RAB27B: variants seen among roughly 807,000 people sequenced by gnomAD.
RAB27B encodes RAB27B, member RAS oncogene family, also known as ras-related protein Rab-27B.
Under a neutral mutation model 24.6 loss-of-function variants are expected in RAB27B, and 15 were observed. The observed-to-expected ratio is 0.61, with a 90% CI of 0.41 to 0.94. The LOEUF (loss-of-function observed/expected upper bound fraction) is 0.94. RAB27B is among the 40% of genes least tolerant of loss of function. The probability of loss-of-function intolerance (pLI) is 0.00; values close to 1 mark genes in which losing one functional copy is unlikely to be tolerated. For missense variants in RAB27B, 261 were observed against 266.8 expected (o/e 0.98, Z 0.15); for synonymous variants, 105 against 92.5 (o/e 1.14, Z -0.78).
intron 2 of RAB27B, among the ~76,000 whole-genome samples, chr18:54,772,351 C>G (rs1268018820): frequency 6.6e-6 from 1 of 152,214 alleles, no homozygotes; most frequent in South Asian, 2.1e-4. Context: ...AAGTGGCACA[C>G]TTTATTCATC....
At chr18:54,773,651 T>C (rs1055699701) in intron 2 of RAB27B, among the ~76,000 whole-genome samples, 5 of 151,846 alleles carry the variant, frequency 3.3e-5, no homozygotes, top group Admixed American at 1.3e-4. Flanking sequence ...CAGAGAGACA[T>C]AAAGCAAGAG....
chr18:54,801,343 A>G (rs1216104676), intron 2 of RAB27B, among the ~76,000 whole-genome samples: 2 of 151,910 alleles, frequency 1.3e-5, no homozygotes, highest in South Asian at 2.1e-4. Flanking sequence ...TAGTTTTTCA[A>G]CATTCTAAAA....
intron 2 of RAB27B, among the ~76,000 whole-genome samples, chr18:54,796,073 G>A (rs932828762): frequency 2.0e-5 from 3 of 152,132 alleles, no homozygotes; most frequent in African/African-American, 7.2e-5. Flanking sequence ...TATTACTATA[G>A]ACTGGTGAAA....
intron 1 of RAB27B, among the ~76,000 whole-genome samples, chr18:54,837,417 C>T (rs1304997842): frequency 6.6e-6 from 1 of 151,952 alleles, no homozygotes; most frequent in African/African-American, 2.4e-5. Context: ...TAGTGGTCCT[C>T]AAAATTGAAA....
chr18:54,892,592 G>C lies in RAB27B; in HGVS notation c.*3179G>C, dbSNP rs978202139. On this transcript the variant is annotated 3_prime_UTR_variant, in exon 6 of 6. Coordinates refer to ENST00000262094, the MANE Select transcript of RAB27B (RefSeq NM_004163.4). ...AAATAATCCAGAGAACATAATGTTTGTCTTGGTCTGATAATGATAAGAAGT... is the reference window on the plus strand; with the variant it reads ...AAATAATCCAGAGAACATAATGTTTCTCTTGGTCTGATAATGATAAGAAGT... 9 of 152,076 alleles carry C rather than the reference G, an allele frequency of 5.9e-5. No homozygotes were observed. Among genetic ancestry groups the C allele is most frequent in the Admixed American group, 1.3e-4 (2 of 15,248 alleles). The allele number at this position is 152,076 out of a possible 1,614,324, so 9.4% of individuals were successfully genotyped here.
chr18:54,819,039 C>T (rs947181724), intron 2 of RAB27B, among the ~76,000 whole-genome samples: 2 of 151,432 alleles, frequency 1.3e-5, no homozygotes, highest in Non-Finnish European at 2.9e-5. Flanking sequence ...ATCCATAGAA[C>T]AGAAACCTAC....
At chr18:54,766,870 C>CT (rs1057090885) in intron 2 of RAB27B, among the ~76,000 whole-genome samples, 6 of 152,150 alleles carry the variant, frequency 3.9e-5, no homozygotes, top group African/African-American at 1.4e-4. Context: ...AGGTATGGAG[C>CT]TAAGTCATCA....
At chr18:54,756,783 C>T (rs1458065191) in intron 2 of RAB27B, among the ~76,000 whole-genome samples, 4 of 152,180 alleles carry the variant, frequency 2.6e-5, no homozygotes, top group African/African-American at 4.8e-5. Flanking sequence ...TACAGGAATA[C>T]ATTACTAAGG....
chr18:54,875,106 T>C (rs562180352), intron 1 of RAB27B, among the ~76,000 whole-genome samples: 155 of 152,264 alleles, frequency 1.0e-3, no homozygotes, highest in Non-Finnish European at 1.1e-3. Context: ...GTGGATTGCT[T>C]GAGCCCAGGA....
intron 2 of RAB27B, among the ~76,000 whole-genome samples, chr18:54,821,701 G>T (rs960146536): frequency 1.3e-4 from 20 of 152,180 alleles, no homozygotes; most frequent in Non-Finnish European, 5.9e-5. Flanking sequence ...TTTTAAAAAA[G>T]TAATCATATA....
chr18:54,803,701 G>A (rs1288334431), intron 2 of RAB27B, among the ~76,000 whole-genome samples: 2 of 152,182 alleles, frequency 1.3e-5, no homozygotes, highest in African/African-American at 4.8e-5. Context: ...GAGTTAGGTG[G>A]TTCTGCTGGA....
At chr18:54,797,846 C>T (rs935648452) in intron 2 of RAB27B, among the ~76,000 whole-genome samples, 1 of 152,112 alleles carries the variant, frequency 6.6e-6, no homozygotes, top group African/African-American at 2.4e-5. Context: ...TCTGAATGGA[C>T]TTATTTTCTT....
rs1910095144 is a variant in RAB27B at position 54,815,540 on chromosome 18, C to CT, written c.-19-62026dup. On this transcript the variant is annotated intron_variant, in intron 2 of 4. Transcript: ENST00000586570. ...CAAAATCTGTGTACCTGAGAATAGTCTATCAATTCCTTACTCTAAAATCAA... is the reference window on the plus strand; with the variant it reads ...CAAAATCTGTGTACCTGAGAATAGTCTTATCAATTCCTTACTCTAAAATCAA... 2.0e-5 allele frequency among the ~76,000 whole-genome samples: 3 copies of CT among 152,174 alleles called. No homozygotes were observed. In the South Asian group the frequency reaches 6.2e-4, roughly 31 times the overall value.
chr18:54,819,016 T>C (rs1346320493), intron 2 of RAB27B, among the ~76,000 whole-genome samples: 13 of 151,720 alleles, frequency 8.6e-5, no homozygotes, highest in Non-Finnish European at 1.6e-4. Context: ...CAATGAAATC[T>C]GTAGCTAAAA....
At chr18:54,781,682 C>T (rs772961754) in intron 2 of RAB27B, among the ~76,000 whole-genome samples, 2 of 152,198 alleles carry the variant, frequency 1.3e-5, no homozygotes, top group Non-Finnish European at 2.9e-5. Context: ...ATGCTGTCCA[C>T]AGGCACCATG....
At chr18:54,833,438 G>A (rs1315793081) in intron 1 of RAB27B, among the ~76,000 whole-genome samples, 2 of 151,970 alleles carry the variant, frequency 1.3e-5, no homozygotes, top group African/African-American at 2.4e-5. Context: ...TATTGGCTAG[G>A]CTGGTCTTGA....
At chr18:54,825,122 TA>T (rs1329582889), upstream of RAB27B, among the ~76,000 whole-genome samples, 2 of 152,352 alleles carry the variant, frequency 1.3e-5, no homozygotes, top group African/African-American at 2.4e-5. Flanking sequence ...TAATTTCATT[TA>T]AAAAATGTGA....
At chr18:54,766,229 A>G (rs1486500809) in intron 2 of RAB27B, among the ~76,000 whole-genome samples, 3 of 152,198 alleles carry the variant, frequency 2.0e-5, no homozygotes, top group Non-Finnish European at 4.4e-5. Context: ...AAATAATAGA[A>G]ACAAATATAA....
At chr18:54,859,640 G>A (rs1911933171) in intron 1 of RAB27B, among the ~76,000 whole-genome samples, 1 of 152,198 alleles carries the variant, frequency 6.6e-6, no homozygotes, top group Admixed American at 6.5e-5. Context: ...GCACCAAACA[G>A]CAGGAAAGGT....
Sources: gnomAD v4.1 joint callset for allele counts (sites outside exome capture counted in the v4.1 genomes callset) on GRCh38, gnomAD v4.1.1 for gene constraint, MANE v1.5 for transcripts, NCBI Gene and HGNC (gene_info 2026-07-23, HGNC 2026-07-21) for gene names.